GAREM1: variants seen among roughly 807,000 people sequenced by gnomAD.
GAREM1 encodes GRB2-associated and regulator of MAPK protein 1.
A neutral mutation model predicts 71.3 loss-of-function variants in GAREM1; 26 were observed. That is an observed-to-expected ratio of 0.36 (90% CI 0.27 to 0.51). The LOEUF is 0.51. Among genes scored for constraint, GAREM1 ranks in the 20% least tolerant of loss-of-function variants. The pLI, the probability that GAREM1 is intolerant of heterozygous loss-of-function variation, is 0.95. For synonymous variants in GAREM1, 440 were observed against 433.2 expected, an observed-to-expected ratio of 1.02 and a Z score of -0.20; for missense variants, 1,026 against 1,103.1, an observed-to-expected ratio of 0.93 and a Z score of 0.99.
Position 32,310,232 on chromosome 18 carries a change from T to C in GAREM1, c.354A>G (p.Glu118=), listed in dbSNP as rs749443824. ...SVEEVAKAFP[E]RVYVMEDITF... ...TGATATCCTCCATGACGTACACGCG[T>C]TCAGGAAATGCCTTAGCCACCTCCT... The change falls in exon 3 of 6, where the codon GAA becomes GAG. Residue 118 remains glutamate (E), a synonymous_variant. Coordinates refer to ENST00000269209, the MANE Select transcript of GAREM1 (RefSeq NM_001242409.2). 1.2e-6 allele frequency: 2 copies of C among 1,614,168 alleles called. No individual in the cohort carries two copies. The highest frequency in any genetic ancestry group is 1.7e-6 in the Non-Finnish European group (2 of 1,180,018).
intron 2 of GAREM1, among the ~76,000 whole-genome samples, chr18:32,362,004 T>C (rs2047870158): frequency 6.6e-6 from 1 of 152,198 alleles, no homozygotes; most frequent in African/African-American, 2.4e-5. Flanking sequence ...TCAAAGTTTA[T>C]AAACCATTTC....
intron 1 of GAREM1, among the ~76,000 whole-genome samples, chr18:32,446,154 T>C (rs570202876): frequency 2.5e-4 from 38 of 152,162 alleles, no homozygotes; most frequent in Non-Finnish European, 4.0e-4. Context: ...ACAGGGACTG[T>C]TGATTACTAG....
chr18:32,375,337 T>C (rs1053474970), intron 2 of GAREM1, among the ~76,000 whole-genome samples: 48 of 152,300 alleles, frequency 3.2e-4, no homozygotes, highest in African/African-American at 1.1e-3. Flanking sequence ...CAATTCTAAA[T>C]ATTGGTGAGG....
intron 1 of GAREM1, among the ~76,000 whole-genome samples, chr18:32,404,588 T>C (rs1039485778): frequency 6.6e-6 from 1 of 152,252 alleles, no homozygotes; most frequent in Non-Finnish European, 1.5e-5. Context: ...CAGAGTATTG[T>C]ATTTCACATT....
rs1431586971 is a variant in GAREM1 at position 32,263,569 on chromosome 18, C to G, written c.*4302G>C. 1 of 152,144 alleles carries G rather than the reference C, an allele frequency of 6.6e-6. No individual in the cohort carries two copies. 9.4% of individuals were successfully genotyped at this position (152,144 alleles called of 1,614,324 possible). Reference sequence around the variant, plus strand: ...ACAGACATTTCAGAACCATTTAAATCAACAGACAAGGAAATTTTTAGACAT... The same window carrying G: ...ACAGACATTTCAGAACCATTTAAATGAACAGACAAGGAAATTTTTAGACAT... On this transcript the variant is annotated 3_prime_UTR_variant, in exon 6 of 6. Transcript: ENST00000269209.
At chr18:32,401,032 G>A (rs1227742218) in intron 1 of GAREM1, among the ~76,000 whole-genome samples, 1 of 152,112 alleles carries the variant, frequency 6.6e-6, no homozygotes, top group East Asian at 1.9e-4. Context: ...GTAGGGACAT[G>A]GATGAAGCTG....
intron 1 of GAREM1, among the ~76,000 whole-genome samples, chr18:32,459,577 GCT>G (rs150776903): frequency 2.9e-4 from 44 of 152,124 alleles, no homozygotes; most frequent in African/African-American, 1.0e-3. Context: ...TCTCTCTCAC[GCT>G]CTGTCTCTCT....
intron 2 of GAREM1, among the ~76,000 whole-genome samples, chr18:32,313,972 G>A (rs1379804013): frequency 1.3e-5 from 2 of 152,022 alleles, no homozygotes; most frequent in African/African-American, 4.8e-5. Flanking sequence ...CAATACAGAG[G>A]ATGAACCTAG....
At chr18:32,418,403 G>C (rs2048485264) in intron 1 of GAREM1, among the ~76,000 whole-genome samples, 1 of 152,074 alleles carries the variant, frequency 6.6e-6, no homozygotes, top group African/African-American at 2.4e-5. Context: ...CTGTTCTAGG[G>C]CTCAATTCCA....
At chr18:32,455,090 A>G (rs2048874753) in intron 1 of GAREM1, among the ~76,000 whole-genome samples, 1 of 152,234 alleles carries the variant, frequency 6.6e-6, no homozygotes, top group African/African-American at 2.4e-5. Flanking sequence ...TTATAATCTT[A>G]CACAAAGGTT....
chr18:32,339,113 A>G (rs2047625317), intron 2 of GAREM1, among the ~76,000 whole-genome samples: 1 of 152,066 alleles, frequency 6.6e-6, no homozygotes, highest in Non-Finnish European at 1.5e-5. Flanking sequence ...CCCTCCCTCT[A>G]TCTATAAATA....
chr18:32,468,033 T>C (rs2049014713), intron 1 of GAREM1, among the ~76,000 whole-genome samples: 1 of 152,204 alleles, frequency 6.6e-6, no homozygotes, highest in Non-Finnish European at 1.5e-5. Flanking sequence ...GGTAAATACT[T>C]AATATTTTCA....
chr18:32,435,541 C>T (rs2048667826), intron 1 of GAREM1, among the ~76,000 whole-genome samples: 1 of 151,518 alleles, frequency 6.6e-6, no homozygotes, highest in South Asian at 2.1e-4. Context: ...GTAGATTTTC[C>T]AAGATATCTC....
chr18:32,314,888 A>T (rs1040409533), intron 2 of GAREM1, among the ~76,000 whole-genome samples: 10 of 151,992 alleles, frequency 6.6e-5, no homozygotes, highest in Non-Finnish European at 1.3e-4. Context: ...CGCCCTGCCA[A>T]TTTTTTTGAT....
At chr18:32,436,041 T>C (rs1360905002) in intron 1 of GAREM1, among the ~76,000 whole-genome samples, 1 of 152,142 alleles carries the variant, frequency 6.6e-6, no homozygotes, top group East Asian at 1.9e-4. Context: ...GTAATTTTCC[T>C]CTGATAAAGG....
At chr18:32,293,925 A>T (rs956024596) in intron 3 of GAREM1, among the ~76,000 whole-genome samples, 1 of 152,226 alleles carries the variant, frequency 6.6e-6, no homozygotes, top group East Asian at 1.9e-4. Context: ...AAACCCAAAC[A>T]GAAATATTCT....
intron 3 of GAREM1, among the ~76,000 whole-genome samples, chr18:32,300,470 T>C (rs1221881867): frequency 1.3e-5 from 2 of 152,236 alleles, no homozygotes; most frequent in African/African-American, 2.4e-5. Flanking sequence ...GGCCCATGTA[T>C]GCAGAGCAAA....
At chr18:32,324,919 G>A (rs2047461240) in intron 2 of GAREM1, among the ~76,000 whole-genome samples, 2 of 152,286 alleles carry the variant, frequency 1.3e-5, no homozygotes, top group Admixed American at 1.3e-4. Context: ...GTTACCAAGG[G>A]TTAGGGAGGA....
intron 1 of GAREM1, among the ~76,000 whole-genome samples, chr18:32,410,391 C>G (rs1309962031): frequency 6.6e-6 from 1 of 152,174 alleles, no homozygotes. Context: ...CTCTGTTGCC[C>G]AGCCTGGAGT....
Sources: gnomAD v4.1 joint callset for allele counts (sites outside exome capture counted in the v4.1 genomes callset) on GRCh38, gnomAD v4.1.1 for gene constraint, MANE v1.5 for transcripts, NCBI Gene and HGNC (gene_info 2026-07-23, HGNC 2026-07-21) for gene names.